The following TMTC1 variants were observed in gnomAD, a reference collection of about 807,000 sequenced individuals.
TMTC1 encodes protein O-mannosyl-transferase TMTC1.
TMTC1 carries 73 observed loss-of-function variants against 104.8 expected under a neutral mutation model. The ratio of observed to expected loss-of-function variants is 0.70; its 90% confidence interval spans 0.58 to 0.85. TMTC1 has a LOEUF of 0.85. Ranked by LOEUF, TMTC1 falls within the 40% of genes least tolerant of loss-of-function variation. The pLI, the probability that TMTC1 is intolerant of heterozygous loss-of-function variation, is 0.00. For missense variants in TMTC1, 1,035 were observed against 1,096.1 expected (o/e 0.94, Z 0.79); for synonymous variants, 434 against 428.7 (o/e 1.01, Z -0.15).
chr12:29,737,266 C>T (rs959126216), intron 5 of TMTC1, among the ~76,000 whole-genome samples: 1 of 152,194 alleles, frequency 6.6e-6, no homozygotes, highest in African/African-American at 2.4e-5. Context: ...CGCCTGTAAT[C>T]CCAGCACTTT....
At chr12:29,769,868 T>C (rs1055175635) in intron 1 of TMTC1, among the ~76,000 whole-genome samples, 11 of 152,068 alleles carry the variant, frequency 7.2e-5, no homozygotes, top group Admixed American at 2.0e-4. Flanking sequence ...CTTCCAGGAA[T>C]TTTCCATAAA....
intron 9 of TMTC1, among the ~76,000 whole-genome samples, chr12:29,570,081 A>G (rs1529908): frequency 0.59 from 89,922 of 152,048 alleles, 27,612 homozygotes; most frequent in Non-Finnish European, 0.67. Flanking sequence ...AAAACCAATT[A>G]AAAAGATACT....
Position 29,586,945 on chromosome 12 carries a change from C to T in TMTC1, c.1251-3371G>A, listed in dbSNP as rs931566055. On this transcript the variant is annotated intron_variant, in intron 7 of 17. Coordinates refer to ENST00000539277, the MANE Select transcript of TMTC1 (RefSeq NM_001193451.2). ...GCTTTGGTATCAGGATGATGCTGGC[C>T]TCATAAAATGAGTTAGGGAGGATTC... Among the ~76,000 whole-genome samples the T allele has an allele frequency of 4.6e-5, 7 of 152,178 alleles. No individual in the cohort carries two copies. The Middle Eastern group carries it at 0.01, about 222-fold the overall frequency.
intron 9 of TMTC1, among the ~76,000 whole-genome samples, chr12:29,564,603 AC>A (rs1299476616): frequency 6.6e-6 from 1 of 152,178 alleles, no homozygotes; most frequent in Non-Finnish European, 1.5e-5. Context: ...GTAGCTGGTG[AC>A]TTGGGGAGAG....
chr12:29,654,845 A>C (rs1400620135), intron 5 of TMTC1, among the ~76,000 whole-genome samples: 1 of 152,202 alleles, frequency 6.6e-6, no homozygotes, highest in Non-Finnish European at 1.5e-5. Flanking sequence ...AAATGAAAGA[A>C]GCCAGTCACA....
rs574893496 is a variant in TMTC1, at chr12:29,728,211, A to C, written c.938+23455T>G. On this transcript the variant is annotated intron_variant, in intron 5 of 17. Transcript: ENST00000539277. ...CAGGGAGTGAGGATCCATGGGGCAG[A>C]AGGGAGCGGAGCCAGATGCTGGGAG... 2.0e-5 allele frequency among the ~76,000 whole-genome samples: 3 copies of C among 152,304 alleles called. No individual in the cohort carries two copies. In the East Asian group the frequency reaches 5.8e-4, roughly 29 times the overall value.
Position 29,640,046 on chromosome 12 carries a change from C to T in TMTC1, c.939-6710G>A, listed in dbSNP as rs112436645. 5.3e-5 allele frequency among the ~76,000 whole-genome samples: 8 copies of T among 152,262 alleles called. 1 individual carries two copies. The highest frequency in any genetic ancestry group is 4.2e-4 in the South Asian group (2 of 4,818). On this transcript the variant is annotated intron_variant, in intron 5 of 17. Transcript: ENST00000539277. ...AGTGCTATGCCCCCATGGGGCATTC[C>T]GGGGCCGAGACCCATCAGTAGTCCT...
intron 5 of TMTC1, among the ~76,000 whole-genome samples, chr12:29,648,860 A>G (rs1270376043): frequency 6.6e-6 from 1 of 152,074 alleles, no homozygotes; most frequent in Non-Finnish European, 1.5e-5. Flanking sequence ...GATTTTTTAC[A>G]TTTTTTTCTT....
chr12:29,590,268 T>A (rs1202817510), intron 7 of TMTC1, among the ~76,000 whole-genome samples: 1 of 152,038 alleles, frequency 6.6e-6, no homozygotes, highest in Non-Finnish European at 1.5e-5. Context: ...TGCAATCACA[T>A]CCTATTCCGC....
intron 5 of TMTC1, among the ~76,000 whole-genome samples, chr12:29,642,664 G>A (rs950365439): frequency 4.6e-5 from 7 of 152,026 alleles, no homozygotes; most frequent in Non-Finnish European, 1.5e-5. Flanking sequence ...AGTGGCTCAC[G>A]CCTGTAATCC....
chr12:29,531,693 C>T (rs1265664924), intron 11 of TMTC1, among the ~76,000 whole-genome samples: 1 of 152,144 alleles, frequency 6.6e-6, no homozygotes, highest in Non-Finnish European at 1.5e-5. Flanking sequence ...AGTCAGAGAC[C>T]ACCCTGACTT....
At chr12:29,607,336 A>C (rs1338569806) in intron 6 of TMTC1, among the ~76,000 whole-genome samples, 1 of 152,210 alleles carries the variant, frequency 6.6e-6, no homozygotes, top group Non-Finnish European at 1.5e-5. Context: ...CGGTGTGAAT[A>C]TTTGCTGAAT....
chr12:29,769,492 C>T (rs568440230), intron 1 of TMTC1, among the ~76,000 whole-genome samples: 3 of 152,266 alleles, frequency 2.0e-5, no homozygotes, highest in South Asian at 2.1e-4. Context: ...TCCAACAAAG[C>T]GGGGAGACCA....
intron 5 of TMTC1, among the ~76,000 whole-genome samples, chr12:29,666,703 A>C (rs1431252666): frequency 6.6e-6 from 1 of 152,178 alleles, no homozygotes; most frequent in African/African-American, 2.4e-5. Context: ...GATTTCAATG[A>C]AGATATGAAA....
intron 6 of TMTC1, among the ~76,000 whole-genome samples, chr12:29,629,283 G>A (rs1159810486): frequency 6.6e-6 from 1 of 151,640 alleles, no homozygotes; most frequent in African/African-American, 2.4e-5. Flanking sequence ...ATGCGCCAAT[G>A]CACTCCAGCC....
intron 11 of TMTC1, among the ~76,000 whole-genome samples, chr12:29,528,075 A>T (rs1944399269): frequency 6.6e-6 from 1 of 152,216 alleles, no homozygotes; most frequent in Non-Finnish European, 1.5e-5. Flanking sequence ...TTCTCCAGGA[A>T]GAAAATACTG....
At chr12:29,703,163 C>G (rs968626246) in intron 5 of TMTC1, among the ~76,000 whole-genome samples, 8 of 147,368 alleles carry the variant, frequency 5.4e-5, no homozygotes, top group African/African-American at 2.0e-4. Context: ...AAAAAAGGAA[C>G]TGAAAAAATG....
At chr12:29,648,366 T>C (rs918670902) in intron 5 of TMTC1, among the ~76,000 whole-genome samples, 39 of 152,240 alleles carry the variant, frequency 2.6e-4, no homozygotes, top group Non-Finnish European at 5.4e-4. Context: ...AGAAGTATCA[T>C]AAGCACCTAT....
In TMTC1 at chr12:29,553,681, G is replaced by T. The variant is rs1050506418; in HGVS notation, c.1676+3176C>A. 6.6e-5 allele frequency among the ~76,000 whole-genome samples: 10 copies of T among 152,284 alleles called. 1 individual carries two copies. Among genetic ancestry groups the T allele is most frequent in the Middle Eastern group, 3.4e-3 (1 of 294 alleles). ...TGATTTTTACTGAAAAAGAGAAGGG[G>T]TAAAAAATCCTGTGTTGGTTACCCA... On this transcript the variant is annotated intron_variant, in intron 10 of 17. Transcript: ENST00000539277.
Sources: gnomAD v4.1 joint callset for allele counts (sites outside exome capture counted in the v4.1 genomes callset) on GRCh38, gnomAD v4.1.1 for gene constraint, MANE v1.5 for transcripts, NCBI Gene and HGNC (gene_info 2026-07-23, HGNC 2026-07-21) for gene names.